Variants in SLC35F3 observed in about 807,000 individuals in gnomAD.
The protein encoded by SLC35F3 is putative thiamine transporter SLC35F3.
In SLC35F3, 25 loss-of-function variants were observed where a neutral mutation model predicts 49.9. The observed-to-expected ratio is 0.50, with a 90% CI of 0.37 to 0.70. The LOEUF (loss-of-function observed/expected upper bound fraction) is 0.70, where lower values mean the gene tolerates loss of function less well. Among genes scored for constraint, SLC35F3 ranks in the 30% least tolerant of loss-of-function variants. SLC35F3 has a pLI of 0.00. For missense variants in SLC35F3, 525 were observed against 639.8 expected (o/e 0.82, Z 1.94); for synonymous variants, 275 against 265.4 (o/e 1.04, Z -0.35).
At chr1:234,303,736 C>T (rs1286009948) in intron 3 of SLC35F3, among the ~76,000 whole-genome samples, 1 of 152,046 alleles carries the variant, frequency 6.6e-6, no homozygotes, top group Non-Finnish European at 1.5e-5. Flanking sequence ...ATTTCTTGAC[C>T]TTGTTTGTTT....
intron 2 of SLC35F3, among the ~76,000 whole-genome samples, chr1:234,152,945 T>C (rs752622630): frequency 6.6e-6 from 1 of 152,240 alleles, no homozygotes; most frequent in Non-Finnish European, 1.5e-5. Context: ...TGGTGTCTCA[T>C]TGTGGCTTTG....
intron 2 of SLC35F3, among the ~76,000 whole-genome samples, chr1:234,224,779 T>C (rs1572102638): frequency 6.6e-6 from 1 of 152,192 alleles, no homozygotes; most frequent in African/African-American, 2.4e-5. Flanking sequence ...AGCTGTCCAA[T>C]ATACAAAAGA....
chr1:234,275,334 C>CA lies in SLC35F3; in HGVS notation c.609-33754dup, dbSNP rs1018623772. Among the ~76,000 whole-genome samples the CA allele has an allele frequency of 6.0e-4, 86 of 143,358 alleles. 2 individuals carry two copies. The highest frequency in any genetic ancestry group is 3.6e-3 in the Middle Eastern group (1 of 274). 94.0% of individuals were successfully genotyped at this position (143,358 alleles called of 152,430 possible). A position where few individuals can be genotyped will look rare whatever the true frequency, so the allele number is the denominator to read the frequency against. ...TGGATATGTAAACATCCCAAAATCC[C>CA]AAAAAAAAAAAAATTAGAAATTCAA... On this transcript the variant is annotated intron_variant, in intron 3 of 7. Coordinates refer to ENST00000366618, the MANE Select transcript of SLC35F3 (RefSeq NM_173508.4).
rs150206960 is a variant in SLC35F3, at chr1:234,283,189, G to A, written c.609-25912G>A. On this transcript the variant is annotated intron_variant, in intron 3 of 7. Coordinates refer to ENST00000366618, the MANE Select transcript of SLC35F3 (RefSeq NM_173508.4). ...ACCTCTTCATCCCGTGCAGGGCCCC[G>A]AAACACACTTCCTGAGGGATGACCA... Among the ~76,000 whole-genome samples the A allele has an allele frequency of 7.2e-5, 11 of 152,262 alleles. No homozygotes were observed. The East Asian group carries it at 1.7e-3, about 24-fold the overall frequency.
chr1:234,239,369 A>C lies in SLC35F3; in HGVS notation c.608+7628A>C, dbSNP rs76668674. Among the ~76,000 whole-genome samples the C allele has an allele frequency of 7.8e-3, 1,191 of 152,300 alleles. 17 individuals are homozygous for C. Among genetic ancestry groups the C allele is most frequent in the African/African-American group, 0.027 (1,129 of 41,550 alleles). On this transcript the variant is annotated intron_variant, in intron 3 of 7. Coordinates refer to ENST00000366618, the MANE Select transcript of SLC35F3 (RefSeq NM_173508.4). The stretch of plus-strand genomic sequence containing the variant: ...CTCAGGCACCACCCCATCCTATCCC[A>C]ATGTAAGAAATGTGGAGCCATTTCT...
chr1:234,078,241 C>T (rs1664826064), intron 2 of SLC35F3, among the ~76,000 whole-genome samples: 1 of 150,546 alleles, frequency 6.6e-6, no homozygotes, highest in Non-Finnish European at 1.5e-5. Flanking sequence ...AACTGCCTCT[C>T]TTAAAGATTT....
rs557908596 is a variant in SLC35F3 at position 234,145,272 on chromosome 1, A to G, written c.284-86145A>G. Among the ~76,000 whole-genome samples, 29 of 152,278 alleles carry G rather than the reference A, an allele frequency of 1.9e-4. No homozygotes were observed. The South Asian group carries it at 6.0e-3, about 32-fold the overall frequency. On this transcript the variant is annotated intron_variant, in intron 2 of 7. Transcript: ENST00000366618. ...CCACTTTGGATGTCATCCTAGTCTC[A>G]TATTGAAGTGAGTTTTGACCTAACT...
At chr1:234,045,337 A>G (rs369817223) in intron 2 of SLC35F3, among the ~76,000 whole-genome samples, 1 of 152,186 alleles carries the variant, frequency 6.6e-6, no homozygotes, top group South Asian at 2.1e-4. Context: ...TTTCCAATAT[A>G]GTTTAAATCT....
chr1:233,928,942 T>TA (rs11450971), intron 2 of SLC35F3, among the ~76,000 whole-genome samples: 141,454 of 152,096 alleles, frequency 0.93, 66,654 homozygotes, highest in East Asian at 1. Flanking sequence ...TTTGTCAATT[T>TA]AAAAATTAAA....
intron 2 of SLC35F3, among the ~76,000 whole-genome samples, chr1:233,936,986 T>C (rs1032581073): frequency 6.6e-6 from 1 of 152,228 alleles, no homozygotes; most frequent in Non-Finnish European, 1.5e-5. Flanking sequence ...CCACTGCATC[T>C]GGCCACCTCT....
At chr1:233,995,090 A>G (rs900553563) in intron 2 of SLC35F3, among the ~76,000 whole-genome samples, 2 of 152,258 alleles carry the variant, frequency 1.3e-5, no homozygotes, top group African/African-American at 2.4e-5. Flanking sequence ...TGCACAGCAC[A>G]ATGCCAGCTA....
intron 2 of SLC35F3, among the ~76,000 whole-genome samples, chr1:234,043,575 G>A (rs4920211): frequency 0.77 from 116,583 of 152,034 alleles, 45,566 homozygotes; most frequent in African/African-American, 0.92. Context: ...TATGCAGCCT[G>A]TGGAAAACTC....
At chr1:234,229,936 C>T (rs1345025234) in intron 2 of SLC35F3, among the ~76,000 whole-genome samples, 1 of 152,204 alleles carries the variant, frequency 6.6e-6, no homozygotes, top group Admixed American at 6.5e-5. Flanking sequence ...ATCAATCTTC[C>T]TTTTTGTCCT....
At chr1:233,919,188 T>C (rs899238706) in intron 2 of SLC35F3, among the ~76,000 whole-genome samples, 1 of 152,154 alleles carries the variant, frequency 6.6e-6, no homozygotes, top group African/African-American at 2.4e-5. Flanking sequence ...TATTGCAAAG[T>C]AAGTTAGCCA....
chr1:234,214,872 A>C lies in SLC35F3; in HGVS notation c.284-16545A>C. The C allele has an allele frequency of 5.9e-6, 2 of 337,058 alleles. No homozygotes were observed. Among genetic ancestry groups the C allele is most frequent in the East Asian group, 5.1e-5 (1 of 19,448 alleles). The allele number at this position is 337,058 out of a possible 1,614,324, so 20.9% of individuals were successfully genotyped here. ...TGGCAGCAGCTGCACCCTCACCTCC[A>C]TCCCAGTTTGTCCTGGGGCTCTTGT... On this transcript the variant is annotated intron_variant, in intron 2 of 7. Transcript: ENST00000366618. The surrounding 1 kb of genome is among the most constrained non-coding windows in gnomAD (Gnocchi z 8.0).
chr1:234,108,760 TAA>T (rs1242804029), intron 2 of SLC35F3, among the ~76,000 whole-genome samples: 23 of 102,124 alleles, frequency 2.3e-4, no homozygotes, highest in African/African-American at 7.1e-4. Flanking sequence ...AAGATATATA[TAA>T]ATATATATAT....
chr1:234,169,551 T>G (rs1408333752), intron 2 of SLC35F3, among the ~76,000 whole-genome samples: 1 of 152,136 alleles, frequency 6.6e-6, no homozygotes, highest in African/African-American at 2.4e-5. Context: ...TTTCTGGCTG[T>G]GATGCTCTGG....
At chr1:233,932,766 A>G (rs1197639089) in intron 2 of SLC35F3, among the ~76,000 whole-genome samples, 2 of 152,226 alleles carry the variant, frequency 1.3e-5, no homozygotes, top group African/African-American at 4.8e-5. Context: ...GAACCGGAAA[A>G]TGAGAACTCT....
intron 2 of SLC35F3, among the ~76,000 whole-genome samples, chr1:234,200,895 C>T (rs531345490): frequency 6.6e-6 from 1 of 152,338 alleles, no homozygotes; most frequent in Admixed American, 6.5e-5. Flanking sequence ...TTAGTGTTCC[C>T]AGAATAGCCA....
Sources: gnomAD v4.1 joint callset for allele counts (sites outside exome capture counted in the v4.1 genomes callset) on GRCh38, gnomAD v4.1.1 for gene constraint, Gnocchi (gnomAD v3.1) non-coding constraint, MANE v1.5 for transcripts, NCBI Gene and HGNC (gene_info 2026-07-23, HGNC 2026-07-21) for gene names.